The following SDK1 variants were observed in gnomAD, a reference collection of about 807,000 sequenced individuals.
SDK1 encodes protein sidekick-1.
A neutral mutation model predicts 245.5 loss-of-function variants in SDK1; 157 were observed. The ratio of observed to expected loss-of-function variants is 0.64; its 90% CI spans 0.56 to 0.73. SDK1 has a LOEUF of 0.73. Among genes scored for constraint, SDK1 ranks in the 30% least tolerant of loss-of-function variants. The pLI, the probability that SDK1 is intolerant of heterozygous loss-of-function variation, is 0.00. For synonymous variants in SDK1, 1,647 were observed against 1,278.5 expected (o/e 1.29, Z -6.15); for missense variants, 3,583 against 3,002.3 (o/e 1.19, Z -4.52).
chr7:3,586,883 G>T (rs1780707703), intron 1 of SDK1, among the ~76,000 whole-genome samples: 1 of 152,142 alleles, frequency 6.6e-6, no homozygotes, highest in Non-Finnish European at 1.5e-5. Flanking sequence ...ACATGTGCTG[G>T]AGCTGTTGTG....
chr7:3,473,520 A>G (rs1490107321), intron 1 of SDK1, among the ~76,000 whole-genome samples: 2 of 152,208 alleles, frequency 1.3e-5, no homozygotes, highest in African/African-American at 4.8e-5. Context: ...TTAAACCCTG[A>G]GAGACCAGCC....
chr7:3,971,232 G>A (rs1278151404), intron 11 of SDK1, among the ~76,000 whole-genome samples: 2 of 151,846 alleles, frequency 1.3e-5, no homozygotes, highest in Admixed American at 6.6e-5. Context: ...GGTGTTTGAG[G>A]TTAAAGCTGA....
At chr7:3,684,070 G>A (rs1206778777) in intron 4 of SDK1, among the ~76,000 whole-genome samples, 1 of 152,178 alleles carries the variant, frequency 6.6e-6, no homozygotes, top group African/African-American at 2.4e-5. Context: ...TTCCGCTGTG[G>A]GGTGGTGGTG....
At chr7:3,404,653 T>C (rs777681236) in intron 1 of SDK1, among the ~76,000 whole-genome samples, 16 of 152,338 alleles carry the variant, frequency 1.1e-4, no homozygotes, top group African/African-American at 3.8e-4. Flanking sequence ...TTGATTCTTA[T>C]CAGTCTTTTT....
intron 4 of SDK1, among the ~76,000 whole-genome samples, chr7:3,812,476 A>T (rs904273656): frequency 6.6e-6 from 1 of 152,214 alleles, no homozygotes; most frequent in African/African-American, 2.4e-5. Flanking sequence ...GTTGAGAGAC[A>T]GTCAATATAG....
intron 44 of SDK1, among the ~76,000 whole-genome samples, chr7:4,258,890 C>G (rs1485625700): frequency 1.3e-5 from 2 of 152,216 alleles, no homozygotes; most frequent in East Asian, 1.9e-4. Context: ...TCATTCGTTC[C>G]TAAATATTCT....
chr7:3,393,995 C>T (rs1781827797), intron 1 of SDK1, among the ~76,000 whole-genome samples: 1 of 152,076 alleles, frequency 6.6e-6, no homozygotes, highest in Admixed American at 6.6e-5. Context: ...GGAAGGCTTT[C>T]CAGATATTCA....
At chr7:4,177,261 C>T (rs934804175) in intron 34 of SDK1, among the ~76,000 whole-genome samples, 1 of 152,212 alleles carries the variant, frequency 6.6e-6, no homozygotes, top group Non-Finnish European at 1.5e-5. Context: ...CCCAAGCACA[C>T]CACCATCCAC....
At chr7:4,221,462 T>A (rs1785151519) in intron 40 of SDK1, 98 bp downstream of exon 40, 2 of 1,433,058 alleles carry the variant, frequency 1.4e-6, no homozygotes, top group East Asian at 2.5e-5. Context: ...TTTCAGCATT[T>A]TCCCCCCACA....
intron 1 of SDK1, among the ~76,000 whole-genome samples, chr7:3,437,325 GT>G (rs1780057944): frequency 6.6e-6 from 1 of 152,064 alleles, no homozygotes; most frequent in African/African-American, 2.4e-5. Flanking sequence ...AAAAATCAGT[GT>G]AATCATTTGT....
At chr7:4,166,101 G>A (rs944726499) in intron 32 of SDK1, among the ~76,000 whole-genome samples, 3 of 152,204 alleles carry the variant, frequency 2.0e-5, no homozygotes, top group African/African-American at 7.2e-5. Context: ...AGTGGGTTTT[G>A]AGACTGTTTT....
chr7:3,616,595 C>T (rs1418977261), intron 1 of SDK1, among the ~76,000 whole-genome samples: 1 of 151,830 alleles, frequency 6.6e-6, no homozygotes, highest in Non-Finnish European at 1.5e-5. Flanking sequence ...AAGTTCTTGC[C>T]GTACTCATAG....
At chr7:4,017,597 G>A (rs560719286) in intron 17 of SDK1, among the ~76,000 whole-genome samples, 14 of 152,202 alleles carry the variant, frequency 9.2e-5, no homozygotes, top group African/African-American at 3.4e-4. Flanking sequence ...TTCTGTACAC[G>A]CCTTTTGACG....
chr7:3,486,731 A>G (rs981997256), intron 1 of SDK1, among the ~76,000 whole-genome samples: 1 of 152,018 alleles, frequency 6.6e-6, no homozygotes, highest in Non-Finnish European at 1.5e-5. Flanking sequence ...CCACGTTTTA[A>G]TTTTATCCTA....
intron 1 of SDK1, among the ~76,000 whole-genome samples, chr7:3,343,002 G>GAAAAAAAAAAA (rs59587479): frequency 2.2e-5 from 3 of 137,994 alleles, no homozygotes; most frequent in Non-Finnish European, 4.6e-5. Flanking sequence ...CTAAATGGCT[G>GAAAAAAAAAAA]AAAAAAAAAA....
chr7:3,543,638 G>C (rs537617968), intron 1 of SDK1, among the ~76,000 whole-genome samples: 2 of 152,288 alleles, frequency 1.3e-5, no homozygotes, highest in Non-Finnish European at 2.9e-5. Flanking sequence ...GGTGCACTCT[G>C]TATGTTTCTC....
At chr7:3,433,907 G>C (rs996910437) in intron 1 of SDK1, among the ~76,000 whole-genome samples, 1 of 152,132 alleles carries the variant, frequency 6.6e-6, no homozygotes, top group African/African-American at 2.4e-5. Context: ...TCATGATATT[G>C]TAAATATAAT....
intron 1 of SDK1, among the ~76,000 whole-genome samples, chr7:3,328,160 A>C (rs1049829414): frequency 6.6e-6 from 1 of 152,184 alleles, no homozygotes; most frequent in African/African-American, 2.4e-5. Context: ...TGTAGTTGAA[A>C]TATTATAACT....
intron 1 of SDK1, among the ~76,000 whole-genome samples, chr7:3,420,324 G>A (rs375869444): frequency 1.3e-5 from 2 of 152,342 alleles, no homozygotes; most frequent in South Asian, 4.1e-4. Flanking sequence ...ATTTTGCACA[G>A]TTTGATGGAT....
Sources: gnomAD v4.1 joint callset for allele counts (sites outside exome capture counted in the v4.1 genomes callset) on GRCh38, gnomAD v4.1.1 for gene constraint, MANE v1.5 for transcripts, NCBI Gene and HGNC (gene_info 2026-07-23, HGNC 2026-07-21) for gene names.